MYLK: variants seen among roughly 807,000 people sequenced by gnomAD.
The protein encoded by MYLK is myosin light chain kinase, smooth muscle.
Under a neutral mutation model 203.4 loss-of-function variants are expected in MYLK, and 106 were observed. The ratio of observed to expected loss-of-function variants is 0.52; its 90% CI spans 0.45 to 0.61. The LOEUF (loss-of-function observed/expected upper bound fraction) is 0.61, where lower values mean the gene tolerates loss of function less well. Among genes scored for constraint, MYLK ranks in the 20% least tolerant of loss-of-function variants. MYLK has a pLI of 0.00. For missense variants in MYLK, 2,072 were observed against 2,442.3 expected, an observed-to-expected ratio of 0.85 and a Z score of 3.20; for synonymous variants, 867 against 959.5, an observed-to-expected ratio of 0.90 and a Z score of 1.78.
At chr3:123,855,295 T>C (rs1577130415) in intron 2 of MYLK, among the ~76,000 whole-genome samples, 1 of 152,202 alleles carries the variant, frequency 6.6e-6, no homozygotes, top group East Asian at 1.9e-4. Context: ...CATCTTTATA[T>C]TTCTGTGCCG....
chr3:123,765,721 G>A (rs1576898477), intron 4 of MYLK, among the ~76,000 whole-genome samples: 1 of 152,116 alleles, frequency 6.6e-6, no homozygotes, highest in South Asian at 2.1e-4. Flanking sequence ...AAGGTTCTGT[G>A]GTTTGGCATT....
Position 123,657,153 on chromosome 3 carries a change from G to T in MYLK, c.4261C>A (p.Leu1421Ile). The T allele has an allele frequency of 6.2e-7, 1 of 1,614,198 alleles. No homozygotes were observed. The highest frequency in any genetic ancestry group is 1.1e-5 in the South Asian group (1 of 91,086). Residue 1421 changes from leucine to isoleucine, a missense_variant, in exon 24 of 34, where the codon CTC becomes ATC. Leu to Ile is a conservative substitution (Grantham distance 5). Around this residue, in one of 3 missense-constraint regions of MYLK, gnomAD observed 524 missense variants for 782.4 expected, o/e 0.67. Coordinates refer to ENST00000360304, the MANE Select transcript of MYLK (RefSeq NM_053025.4). ...TCAGGTTTCTCTCCTACCGTTGTGA[G>T]TTCAGACTCCTGGCTTGGCTCACTG... The part of the protein sequence containing the change: ...GTSEPSQESE[L>I]TTVGEKPEEP...
At chr3:123,645,446 C>T (rs1325092576) in intron 27 of MYLK, among the ~76,000 whole-genome samples, 2 of 152,198 alleles carry the variant, frequency 1.3e-5, no homozygotes, top group African/African-American at 2.4e-5. Flanking sequence ...TTGGGGATGT[C>T]TTACTGGACT....
At chr3:123,741,447 A>G (rs1191058834) in intron 5 of MYLK, among the ~76,000 whole-genome samples, 1 of 152,194 alleles carries the variant, frequency 6.6e-6, no homozygotes, top group African/African-American at 2.4e-5. Flanking sequence ...TCCATTCTCT[A>G]TTCAAAAGTA....
intron 29 of MYLK, among the ~76,000 whole-genome samples, chr3:123,631,961 C>G (rs1201013428): frequency 1.3e-5 from 2 of 151,940 alleles, no homozygotes; most frequent in African/African-American, 2.4e-5. Context: ...GCTCTGCCCC[C>G]TGGGTTCATG....
chr3:123,822,330 G>C (rs1454541842), intron 3 of MYLK, among the ~76,000 whole-genome samples: 1 of 152,152 alleles, frequency 6.6e-6, no homozygotes, highest in Non-Finnish European at 1.5e-5. Context: ...TCAATACAGA[G>C]AAATGAAACC....
chr3:123,762,890 A>G lies in MYLK; in HGVS notation c.166-10352T>C, dbSNP rs186421569. 1.8e-4 allele frequency among the ~76,000 whole-genome samples: 28 copies of G among 152,278 alleles called. No homozygotes were observed. The East Asian group carries it at 5.4e-3, about 29-fold the overall frequency. On this transcript the variant is annotated intron_variant, in intron 4 of 33. Transcript: ENST00000360304. ...CTAGGGCTGTAAGAAATGAATTCCTATTGTTTATAAATTACTCGGTCTGTG... is the reference window on the plus strand; with the variant it reads ...CTAGGGCTGTAAGAAATGAATTCCTGTTGTTTATAAATTACTCGGTCTGTG...
chr3:123,764,925 C>G (rs1211867880), intron 4 of MYLK, among the ~76,000 whole-genome samples: 3 of 152,202 alleles, frequency 2.0e-5, no homozygotes, highest in Non-Finnish European at 4.4e-5. Flanking sequence ...ATTCACATGC[C>G]ATCATCCACG....
chr3:123,798,618 C>G (rs1024831104), intron 3 of MYLK, among the ~76,000 whole-genome samples: 1 of 152,136 alleles, frequency 6.6e-6, no homozygotes, highest in African/African-American at 2.4e-5. Context: ...GCACATTAGA[C>G]AGGAGTCATC....
At chr3:123,667,367 C>T (rs1034369810) in intron 20 of MYLK, among the ~76,000 whole-genome samples, 180 bp from the exon 21 acceptor site, 9 of 151,922 alleles carry the variant, frequency 5.9e-5, no homozygotes, top group Non-Finnish European at 8.8e-5. Flanking sequence ...TTTGGGAGGC[C>T]GAGGCAGGTG....
intron 4 of MYLK, among the ~76,000 whole-genome samples, chr3:123,793,212 TGAGA>T (rs2064851205): frequency 6.6e-6 from 1 of 152,094 alleles, no homozygotes; most frequent in Non-Finnish European, 1.5e-5. Context: ...AGAAGTGAAA[TGAGA>T]GGTCCTATCA....
At chr3:123,879,566 T>C (rs546843237) in intron 1 of MYLK, among the ~76,000 whole-genome samples, 1 of 150,900 alleles carries the variant, frequency 6.6e-6, no homozygotes, top group Admixed American at 6.6e-5. Flanking sequence ...TAATTACCTA[T>C]GTGTTAGCTC....
At position 123,629,411 on chromosome 3, in the gene MYLK, C is replaced by T. The variant is rs904208692; in HGVS notation, c.5114+63G>A. 5.0e-6 allele frequency: 8 copies of T among 1,595,982 alleles called. No individual in the cohort carries two copies. In the African/African-American group the frequency reaches 1.1e-4, roughly 21 times the overall value. On this transcript the variant is annotated intron_variant, in intron 30 of 33. Transcript: ENST00000360304. The surrounding 1 kb of genome is among the most constrained non-coding windows in gnomAD (Gnocchi z 4.4). ...GGCACCCCAACAGGCAAAGGAATCC[C>T]CCTTTGCTTCCCAACACAGGGCAGG... is the stretch of plus-strand genomic sequence containing the variant.
chr3:123,760,829 C>T (rs2063510810), intron 4 of MYLK, among the ~76,000 whole-genome samples: 1 of 152,170 alleles, frequency 6.6e-6, no homozygotes, highest in African/African-American at 2.4e-5. Flanking sequence ...AAGACCGAAA[C>T]CCAATTTGAA....
At chr3:123,814,403 T>C (rs965535962) in intron 3 of MYLK, among the ~76,000 whole-genome samples, 1 of 152,218 alleles carries the variant, frequency 6.6e-6, no homozygotes, top group Non-Finnish European at 1.5e-5. Flanking sequence ...TTTACAGGAA[T>C]GTTGAACTCA....
chr3:123,804,875 G>A (rs1316286846), intron 3 of MYLK, among the ~76,000 whole-genome samples: 3 of 152,138 alleles, frequency 2.0e-5, no homozygotes, highest in African/African-American at 2.4e-5. Context: ...GAAGGAAGGC[G>A]CTTCTGTGTG....
intron 1 of MYLK, among the ~76,000 whole-genome samples, chr3:123,879,563 C>CTCA (rs34351145): frequency 0.1 from 15,272 of 152,126 alleles, 1,192 homozygotes; most frequent in East Asian, 0.36. Context: ...TTCTAATTAC[C>CTCA]TATGTGTTAG....
At chr3:123,749,082 C>CATACATT (rs2063112856) in intron 5 of MYLK, among the ~76,000 whole-genome samples, 1 of 141,424 alleles carries the variant, frequency 7.1e-6, no homozygotes. Flanking sequence ...AAAATACATA[C>CATACATT]ATACATACAT....
At chr3:123,746,768 G>T (rs2063030153) in intron 5 of MYLK, among the ~76,000 whole-genome samples, 1 of 151,466 alleles carries the variant, frequency 6.6e-6, no homozygotes, top group Non-Finnish European at 1.5e-5. Context: ...AGACAGAAAA[G>T]GACAAAAACT....
Sources: gnomAD v4.1 joint callset for allele counts (sites outside exome capture counted in the v4.1 genomes callset) on GRCh38, gnomAD v4.1.1 for gene constraint, gnomAD v4.1.1 regional missense constraint, Gnocchi (gnomAD v3.1) non-coding constraint, MANE v1.5 for transcripts, NCBI Gene and HGNC (gene_info 2026-07-23, HGNC 2026-07-21) for gene names.